KIAA0825: variants seen among roughly 807,000 people sequenced by gnomAD.
KIAA0825 encodes uncharacterized protein KIAA0825.
Under a neutral mutation model 147.6 loss-of-function variants are expected in KIAA0825, and 119 were observed. That is an observed-to-expected ratio of 0.81 (90% CI 0.69 to 0.94). KIAA0825 has a LOEUF of 0.94. KIAA0825 is among the 40% of genes least tolerant of loss of function. The pLI is 0.00. For synonymous variants in KIAA0825, 470 were observed against 518.1 expected (o/e 0.91, Z 1.26); for missense variants, 1,381 against 1,472.7 (o/e 0.94, Z 1.02).
intron 2 of KIAA0825, among the ~76,000 whole-genome samples, chr5:94,550,691 A>T (rs1302436571): frequency 1.3e-5 from 2 of 152,182 alleles, no homozygotes; most frequent in East Asian, 3.9e-4. Context: ...AAATACAAAA[A>T]ATTAGCCAGG....
rs1445500322 is a variant in KIAA0825, at chr5:94,220,352, T to C, written c.3711-66228A>G. On this transcript the variant is annotated intron_variant, in intron 20 of 20. Coordinates refer to ENST00000682413, the MANE Select transcript of KIAA0825 (RefSeq NM_001145678.3). ...CTGAAGGATCCACCTAAGGCTGTTT[T>C]ACAGTTAACATTTTTTTTTTAATAA... is the stretch of plus-strand genomic sequence containing the variant. 3.3e-5 allele frequency among the ~76,000 whole-genome samples: 5 copies of C among 152,298 alleles called. No homozygotes were observed. The East Asian group carries it at 9.6e-4, about 29-fold the overall frequency.
rs1758613077 is a variant in KIAA0825, at chr5:94,452,987, T to C, written c.2329A>G (p.Ile777Val). ...AGTAAAGAAGGGTAGAAATGTGATA[T>C]GCAAGAAACCCAATATAATGGTTGC... ...FKQPLYWVSCISHFYPSLLRT... is the reference protein window; with the variant it reads ...FKQPLYWVSCVSHFYPSLLRT... Residue 777 changes from isoleucine to valine, a missense_variant, in exon 13 of 21, where the codon ATA becomes GTA. By Grantham distance (29) the Ile-to-Val change is conservative. Coordinates refer to ENST00000682413, the MANE Select transcript of KIAA0825 (RefSeq NM_001145678.3). 10 of 1,528,044 alleles carry C rather than the reference T, an allele frequency of 6.5e-6. No individual in the cohort carries two copies. Among genetic ancestry groups the C allele is most frequent in the Non-Finnish European group, 8.8e-6 (10 of 1,136,832 alleles). The allele number at this position is 1,528,044 out of a possible 1,614,324, so 94.7% of individuals were successfully genotyped here. A position where few individuals can be genotyped will look rare whatever the true frequency, so the allele number is the denominator to read the frequency against.
chr5:94,161,800 T>C (rs1049943917), intron 20 of KIAA0825, among the ~76,000 whole-genome samples: 2 of 152,338 alleles, frequency 1.3e-5, no homozygotes, highest in Middle Eastern at 3.4e-3. Flanking sequence ...TTTGAACATA[T>C]TTATCAACTA....
At chr5:94,582,934 T>C (rs1782488429) in intron 1 of KIAA0825, among the ~76,000 whole-genome samples, 1 of 152,250 alleles carries the variant, frequency 6.6e-6, no homozygotes, top group Non-Finnish European at 1.5e-5. Context: ...AGCAATGTTA[T>C]TCAATCCAAA....
chr5:94,517,395 T>C (rs1286470366), intron 5 of KIAA0825, among the ~76,000 whole-genome samples: 2 of 152,012 alleles, frequency 1.3e-5, no homozygotes, highest in African/African-American at 4.8e-5. Flanking sequence ...TAATAAGTAA[T>C]CACATTAGAC....
Position 94,417,259 on chromosome 5 carries a change from G to A in KIAA0825, c.2604C>T (p.Asn868=), listed in dbSNP as rs1262154803. 3.2e-6 allele frequency: 5 copies of A among 1,550,800 alleles called. No homozygotes were observed. Among genetic ancestry groups the A allele is most frequent in the Admixed American group, 2.0e-5 (1 of 50,976 alleles). Residue 868 remains asparagine, a synonymous_variant, in exon 15 of 21, where the codon AAC becomes AAT. Transcript: ENST00000682413. The part of the protein sequence containing the change: ...HCSFSPQTFA[N]VFVSYMEEEQ... ...CTTCTTCCATGTAGCTCACAAAAAC[G>A]TTTGCAAATGTTTGTGGAGAAAAAC...
chr5:94,607,695 C>T (rs753951319), intron 1 of KIAA0825, among the ~76,000 whole-genome samples: 10 of 152,158 alleles, frequency 6.6e-5, no homozygotes, highest in Admixed American at 1.3e-4. Context: ...ACAAATTTAT[C>T]GGCATAAAAA....
chr5:94,538,189 C>T (rs546372499), intron 2 of KIAA0825, among the ~76,000 whole-genome samples: 9 of 152,078 alleles, frequency 5.9e-5, no homozygotes, highest in Non-Finnish European at 1.3e-4. Flanking sequence ...AATCAAAAAT[C>T]ATACGGTGAG....
chr5:94,360,687 G>A (rs1049208516), intron 20 of KIAA0825, among the ~76,000 whole-genome samples: 1 of 152,148 alleles, frequency 6.6e-6, no homozygotes, highest in African/African-American at 2.4e-5. Context: ...GTCTGAAAAA[G>A]TTCAGTACTG....
chr5:94,394,488 A>G (rs920139145), intron 17 of KIAA0825, among the ~76,000 whole-genome samples: 1 of 152,126 alleles, frequency 6.6e-6, no homozygotes, highest in African/African-American at 2.4e-5. Flanking sequence ...CGTATAGGAG[A>G]TACCAGATGT....
intron 20 of KIAA0825, among the ~76,000 whole-genome samples, chr5:94,350,893 T>TTG (rs1415149955): frequency 6.6e-6 from 1 of 151,738 alleles, no homozygotes; most frequent in Non-Finnish European, 1.5e-5. Flanking sequence ...ACTCTTTTTT[T>TTG]TTTTTTTTTG....
At chr5:94,289,924 T>TA (rs11312776) in intron 20 of KIAA0825, among the ~76,000 whole-genome samples, 2,188 of 138,220 alleles carry the variant, frequency 0.016, 18 homozygotes, top group Middle Eastern at 0.029. Context: ...GTGTGTGCTG[T>TA]AAAAAAAAAA....
chr5:94,386,519 T>C (rs1749162546), intron 18 of KIAA0825, 115 bp from the exon 19 acceptor site: 1 of 797,476 alleles, frequency 1.3e-6, no homozygotes, highest in Non-Finnish European at 2.0e-6. Context: ...TTACAGTGTA[T>C]TACTTGCCTC....
intron 20 of KIAA0825, among the ~76,000 whole-genome samples, chr5:94,323,516 C>A (rs1168003994): frequency 6.8e-6 from 1 of 148,028 alleles, no homozygotes. Context: ...TTTTTCATCA[C>A]TTTAGTGAGA....
rs890810461 is a variant in KIAA0825, at chr5:94,456,544, C to G, written c.2247-3475G>C. On this transcript the variant is annotated intron_variant, in intron 12 of 20. Coordinates refer to ENST00000682413, the MANE Select transcript of KIAA0825 (RefSeq NM_001145678.3). Reference sequence around the variant, plus strand: ...GTTATATAGAGGTAGTGTATGGGCACATGCAGGAACCGGAGCCAGAGAGCC... The same window carrying G: ...GTTATATAGAGGTAGTGTATGGGCAGATGCAGGAACCGGAGCCAGAGAGCC... Among the ~76,000 whole-genome samples the G allele has an allele frequency of 2.6e-5, 4 of 152,192 alleles. No individual in the cohort carries two copies. The East Asian group carries it at 7.7e-4, about 29-fold the overall frequency.
chr5:94,282,295 AT>A lies in KIAA0825; in HGVS notation c.3710+102072del, dbSNP rs553277797. 6.2e-3 allele frequency among the ~76,000 whole-genome samples: 945 copies of A among 152,022 alleles called. 10 individuals carry two copies. The highest frequency in any genetic ancestry group is 0.022 in the African/African-American group (913 of 41,494). Reference sequence around the variant, plus strand: ...TTCTCCCAACCAAAATTCCAGGTGGATTTTTTTTATGAATTCAAACTTATTT... The same window carrying A: ...TTCTCCCAACCAAAATTCCAGGTGGATTTTTTTATGAATTCAAACTTATTT... On this transcript the variant is annotated intron_variant, in intron 20 of 20. Transcript: ENST00000682413.
intron 20 of KIAA0825, among the ~76,000 whole-genome samples, chr5:94,227,007 G>A (rs1427276334): frequency 1.3e-5 from 2 of 152,000 alleles, no homozygotes; most frequent in African/African-American, 4.8e-5. Context: ...CAGGGATCCA[G>A]AACTAGAAAT....
intron 20 of KIAA0825, among the ~76,000 whole-genome samples, chr5:94,293,879 C>A (rs1442679141): frequency 6.6e-6 from 1 of 151,914 alleles, no homozygotes; most frequent in Non-Finnish European, 1.5e-5. Flanking sequence ...CCTTCTTTGT[C>A]TTTTTTGATC....
chr5:94,419,765 T>C (rs1396485994), intron 14 of KIAA0825, among the ~76,000 whole-genome samples: 5 of 152,156 alleles, frequency 3.3e-5, no homozygotes, highest in Non-Finnish European at 5.9e-5. Flanking sequence ...AGTAAATAAT[T>C]ATTACCGCAA....
Sources: allele counts gnomAD v4.1 joint callset (sites outside exome capture counted in the v4.1 genomes callset), GRCh38; gene constraint gnomAD v4.1.1; transcripts MANE v1.5; gene names NCBI Gene and HGNC (gene_info 2026-07-23, HGNC 2026-07-21).